TXNRD1: variants seen among roughly 807,000 people sequenced by gnomAD.
TXNRD1 encodes the protein thioredoxin reductase 1, also known as thioredoxin reductase 1, cytoplasmic.
In TXNRD1, 57 loss-of-function variants were observed where a neutral mutation model predicts 80.3. That is an observed-to-expected ratio of 0.71 (90% CI 0.57 to 0.89). The LOEUF (loss-of-function observed/expected upper bound fraction) is 0.89. Ranked by LOEUF, TXNRD1 falls within the 40% of genes least tolerant of loss-of-function variation. The pLI is 0.00. For missense variants in TXNRD1, 730 were observed against 803.0 expected (o/e 0.91, Z 1.10); for synonymous variants, 291 against 285.2 (o/e 1.02, Z -0.20).
At chr12:104,304,517 A>T (rs750721767) in intron 4 of TXNRD1, 1 of 1,613,916 alleles carries the variant, frequency 6.2e-7, no homozygotes, top group African/African-American at 1.3e-5. Context: ...AGTTCGCAAG[A>T]TGGAAGAAAA....
chr12:104,304,010 AAGCTCCTGG>A, intron 4 of TXNRD1: 1 of 1,611,590 alleles, frequency 6.2e-7, no homozygotes. Context: ...CGTAGACCCA[AAGCTCCTGG>A]AGCTCACCGC....
chr12:104,219,903 A>C (rs996605842), intron 1 of TXNRD1, among the ~76,000 whole-genome samples: 1 of 152,198 alleles, frequency 6.6e-6, no homozygotes, highest in Non-Finnish European at 1.5e-5. Context: ...GACCACCTGC[A>C]AGAGAATTAA....
intron 1 of TXNRD1, among the ~76,000 whole-genome samples, chr12:104,222,866 A>G (rs1593678292): frequency 6.6e-6 from 1 of 152,170 alleles, no homozygotes; most frequent in East Asian, 1.9e-4. Context: ...ACAAACAAAC[A>G]AACAAAACTA....
chr12:104,304,281 A>C, intron 4 of TXNRD1: 1 of 1,614,050 alleles, frequency 6.2e-7, no homozygotes, highest in Admixed American at 1.7e-5. Flanking sequence ...TTCTTTAATC[A>C]GTTAGCATTT....
intron 3 of TXNRD1, among the ~76,000 whole-genome samples, chr12:104,274,312 G>A (rs2033712611): frequency 6.6e-6 from 1 of 152,034 alleles, no homozygotes; most frequent in Admixed American, 6.6e-5. Flanking sequence ...AACTGTCTCG[G>A]GCTTCTGGGA....
At chr12:104,310,138 C>T (rs747337242) in intron 4 of TXNRD1, 1 of 1,452,456 alleles carries the variant, frequency 6.9e-7, no homozygotes, top group South Asian at 1.4e-5. Flanking sequence ...AAAGTTAAGG[C>T]TTTTTGTTTG....
chr12:104,273,409 G>A (rs777051496), intron 3 of TXNRD1, among the ~76,000 whole-genome samples: 12 of 151,998 alleles, frequency 7.9e-5, no homozygotes, highest in Admixed American at 1.3e-4. Context: ...CCTGGCCAAC[G>A]TAGTGAAACC....
chr12:104,348,732 A>G lies in TXNRD1; in HGVS notation c.*311A>G, dbSNP rs577573775. ...GAACAACTGTCAAATCAGTTTTAGC[A>G]TGACCTTTCCTTGTGGATTTTCTTA... On this transcript the variant is annotated 3_prime_UTR_variant, in exon 17 of 17. Transcript: ENST00000525566. 17 of 315,658 alleles carry G rather than the reference A, an allele frequency of 5.4e-5. No homozygotes were observed. Among genetic ancestry groups the G allele is most frequent in the Middle Eastern group, 8.4e-4 (1 of 1,192 alleles). 19.6% of individuals were successfully genotyped at this position (315,658 alleles called of 1,614,324 possible).
chr12:104,264,593 C>T (rs925199752), intron 3 of TXNRD1, among the ~76,000 whole-genome samples: 2 of 152,078 alleles, frequency 1.3e-5, no homozygotes, highest in Non-Finnish European at 2.9e-5. Context: ...GAGATAGCCA[C>T]TATTAATATT....
At position 104,252,690 on chromosome 12, in the gene TXNRD1, A is replaced by ATTT. The variant is rs869239974; in HGVS notation, c.243+1040_243+1042dup. Among the ~76,000 whole-genome samples, 50 of 39,660 alleles carry ATTT rather than the reference A, an allele frequency of 1.3e-3. 9 individuals carry two copies. The highest frequency in any genetic ancestry group is 3.4e-3 in the African/African-American group (29 of 8,544). 26.0% of individuals were successfully genotyped at this position (39,660 alleles called of 152,430 possible). A position where few individuals can be genotyped will look rare whatever the true frequency, so the allele number is the denominator to read the frequency against. ...TATATATATATATATATATATATAT[A>ATTT]TTTTTTTTTTTTTTTTTTTTTTTTT... On this transcript the variant is annotated intron_variant, in intron 2 of 16. Transcript: ENST00000525566.
intron 9 of TXNRD1, among the ~76,000 whole-genome samples, chr12:104,320,453 T>C (rs534118906): frequency 4.6e-5 from 7 of 152,276 alleles, no homozygotes; most frequent in South Asian, 2.1e-4. Context: ...TATCATTGCC[T>C]TGGGGTTTAG....
At chr12:104,315,685 T>C in intron 6 of TXNRD1, 92 bp from the exon 7 acceptor site, 4 of 1,391,600 alleles carry the variant, frequency 2.9e-6, no homozygotes, top group Non-Finnish European at 3.9e-6. Flanking sequence ...ATACAATATT[T>C]CTTAGAGTTG....
intron 13 of TXNRD1, among the ~76,000 whole-genome samples, chr12:104,329,967 T>C (rs77669302): frequency 6.6e-6 from 1 of 152,336 alleles, no homozygotes; most frequent in East Asian, 1.9e-4. Context: ...TTGCACTGCC[T>C]CTTGGTCGAT....
At chr12:104,334,210 C>CT (rs1336792647) in intron 14 of TXNRD1, 27 bp from the exon 15 acceptor site, 21 of 1,324,774 alleles carry the variant, frequency 1.6e-5, no homozygotes, top group Non-Finnish European at 1.6e-5. Flanking sequence ...AATAATGGGT[C>CT]TAAATTTTGC....
chr12:104,247,478 G>A (rs2033019707), intron 1 of TXNRD1, among the ~76,000 whole-genome samples: 1 of 152,064 alleles, frequency 6.6e-6, no homozygotes, highest in Non-Finnish European at 1.5e-5. Flanking sequence ...CAAAATTGAG[G>A]GGGAAAAATA....
chr12:104,267,687 T>C (rs556073461), intron 3 of TXNRD1, among the ~76,000 whole-genome samples: 65 of 35,174 alleles, frequency 1.8e-3, no homozygotes, highest in African/African-American at 5.2e-3. Context: ...CTTTCTTTCT[T>C]TCTTTCTTTC....
intron 13 of TXNRD1, among the ~76,000 whole-genome samples, chr12:104,330,797 A>G (rs2035922425): frequency 6.6e-6 from 1 of 152,094 alleles, no homozygotes; most frequent in African/African-American, 2.4e-5. Context: ...CATGTTAGCC[A>G]GGCTGGTCTC....
intron 3 of TXNRD1, chr12:104,265,637 A>G: frequency 6.2e-7 from 1 of 1,607,484 alleles, no homozygotes; most frequent in Non-Finnish European, 8.5e-7. Context: ...ACCCAGTGCT[A>G]CCGAGACATG....
intron 3 of TXNRD1, among the ~76,000 whole-genome samples, chr12:104,274,354 T>C (rs1469884502): frequency 1.3e-5 from 2 of 152,144 alleles, no homozygotes; most frequent in African/African-American, 2.4e-5. Flanking sequence ...GAGGGGGATG[T>C]TCTTCTCAAG....
Sources: allele counts gnomAD v4.1 joint callset (sites outside exome capture counted in the v4.1 genomes callset), GRCh38; gene constraint gnomAD v4.1.1; transcripts MANE v1.5; gene names NCBI Gene and HGNC (gene_info 2026-07-23, HGNC 2026-07-21).